CLVS1: variants seen among roughly 807,000 people sequenced by gnomAD.
The protein encoded by CLVS1 is clavesin-1.
Under a neutral mutation model 33.1 loss-of-function variants are expected in CLVS1, and 10 were observed. That is an observed-to-expected ratio of 0.30 (90% CI 0.19 to 0.51). The LOEUF (loss-of-function observed/expected upper bound fraction) is 0.51, where lower values mean the gene tolerates loss of function less well. Among genes scored for constraint, CLVS1 ranks in the 20% least tolerant of loss-of-function variants. The pLI is 0.97. For missense variants in CLVS1, 343 were observed against 433.4 expected, an observed-to-expected ratio of 0.79 and a Z score of 1.85; for synonymous variants, 163 against 166.1, an observed-to-expected ratio of 0.98 and a Z score of 0.14.
intron 2 of CLVS1, among the ~76,000 whole-genome samples, chr8:61,331,894 A>T (rs975999752): frequency 5.0e-5 from 7 of 140,494 alleles, no homozygotes; most frequent in Non-Finnish European, 9.1e-5. Context: ...TGTTCTCCCT[A>T]GGTTGGAAAG....
At chr8:61,498,528 C>A (rs935010790) in intron 5 of CLVS1, among the ~76,000 whole-genome samples, 3 of 152,118 alleles carry the variant, frequency 2.0e-5, no homozygotes, top group African/African-American at 7.2e-5. Flanking sequence ...CTTTTTATAA[C>A]CTTTTCTCTG....
chr8:61,046,275 G>A, the CLVS1 span, among the ~76,000 whole-genome samples: 1 of 147,694 alleles, frequency 6.8e-6, no homozygotes, highest in Non-Finnish European at 1.5e-5. Flanking sequence ...TTTTTCTCAG[G>A]TTTGTCAAAG....
At chr8:61,199,298 T>C (rs552558416) in intron 2 of CLVS1, among the ~76,000 whole-genome samples, 3 of 152,096 alleles carry the variant, frequency 2.0e-5, no homozygotes, top group East Asian at 3.9e-4. Flanking sequence ...GCAGAAGAAA[T>C]AATCAACAGG....
chr8:61,174,735 G>T (rs1807079632), intron 2 of CLVS1, among the ~76,000 whole-genome samples: 1 of 152,104 alleles, frequency 6.6e-6, no homozygotes, highest in Admixed American at 6.6e-5. Flanking sequence ...GTGGAAAATT[G>T]TACCTGGCTT....
chr8:61,174,653 T>A (rs1159453987), intron 2 of CLVS1, among the ~76,000 whole-genome samples: 1 of 152,120 alleles, frequency 6.6e-6, no homozygotes, highest in Non-Finnish European at 1.5e-5. Flanking sequence ...CCTCATGAAT[T>A]TTAGGGCTTG....
chr8:61,085,908 C>T lies in CLVS1; in HGVS notation c.-243+28678C>T, dbSNP rs113363164. Among the ~76,000 whole-genome samples, 1,215 of 151,480 alleles carry T rather than the reference C, an allele frequency of 8.0e-3. 17 individuals carry two copies. The highest frequency in any genetic ancestry group is 0.011 in the Non-Finnish European group (713 of 67,820). On this transcript the variant is annotated intron_variant, in intron 1 of 2. Transcript: ENST00000522621. ...GTATGGTGGCGGGCGCGTTGGCGGG[C>T]GCCTGTAGTCCCAGCTGCTCGGGAG...
intron 2 of CLVS1, among the ~76,000 whole-genome samples, chr8:61,230,684 T>C (rs1238422828): frequency 6.6e-6 from 1 of 152,252 alleles, no homozygotes; most frequent in East Asian, 1.9e-4. Context: ...AGCTTCCTAC[T>C]TGAGCTGAGC....
At chr8:61,207,320 G>A (rs1807872575) in intron 2 of CLVS1, among the ~76,000 whole-genome samples, 1 of 152,152 alleles carries the variant, frequency 6.6e-6, no homozygotes, top group Non-Finnish European at 1.5e-5. Context: ...AGAGGTGCAT[G>A]GGCTCCAGGA....
chr8:61,441,412 G>A (rs1162383620), intron 3 of CLVS1, among the ~76,000 whole-genome samples: 1 of 152,172 alleles, frequency 6.6e-6, no homozygotes, highest in Non-Finnish European at 1.5e-5. Context: ...CTTAGTAGAT[G>A]GAGGGAGTTC....
At chr8:61,062,987 T>C (rs1013250520) in intron 1 of CLVS1, among the ~76,000 whole-genome samples, 4 of 152,198 alleles carry the variant, frequency 2.6e-5, no homozygotes, top group Non-Finnish European at 4.4e-5. Flanking sequence ...GCACTTTATA[T>C]GCATTATGTC....
At chr8:60,970,149 A>G in the CLVS1 span, among the ~76,000 whole-genome samples, 775 of 152,362 alleles carry the variant, frequency 5.1e-3, 4 homozygotes, top group African/African-American at 0.018. Flanking sequence ...GCTCTGGATT[A>G]AAGTTGTTCT....
chr8:61,370,248 G>T (rs1225750554), intron 2 of CLVS1: 3 of 152,076 alleles, frequency 2.0e-5, no homozygotes, highest in African/African-American at 7.2e-5. Flanking sequence ...GGGGGAACAG[G>T]TGGTGTTCGG....
the CLVS1 span, among the ~76,000 whole-genome samples, chr8:60,976,363 T>G: frequency 2.8e-5 from 4 of 141,032 alleles, no homozygotes; most frequent in Admixed American, 7.1e-5. Context: ...TCTTTCTTTC[T>G]TTTTTTTTTT....
At chr8:61,237,642 T>C (rs1246316648) in intron 2 of CLVS1, among the ~76,000 whole-genome samples, 2 of 152,114 alleles carry the variant, frequency 1.3e-5, no homozygotes, top group African/African-American at 4.8e-5. Context: ...TTCTAGGACC[T>C]TGGGATAGGT....
intron 1 of CLVS1, among the ~76,000 whole-genome samples, chr8:61,290,928 C>T (rs183108554): frequency 9.7e-4 from 147 of 152,316 alleles, no homozygotes; most frequent in Middle Eastern, 6.8e-3. Context: ...AGAAGGTCCA[C>T]AGTGTGAATT....
intron 2 of CLVS1, among the ~76,000 whole-genome samples, chr8:61,250,270 G>A (rs1402685916): frequency 6.6e-6 from 1 of 152,048 alleles, no homozygotes; most frequent in Admixed American, 6.6e-5. Context: ...CTGTTCCATT[G>A]GTCTATATCT....
intron 2 of CLVS1, among the ~76,000 whole-genome samples, chr8:61,336,638 A>G (rs548504922): frequency 1.8e-4 from 27 of 152,298 alleles, no homozygotes; most frequent in African/African-American, 5.8e-4. Flanking sequence ...GAAAGAGGAG[A>G]CTTACAGAAG....
At chr8:61,082,496 CAAA>C (rs1287634289) in intron 1 of CLVS1, among the ~76,000 whole-genome samples, 1 of 121,304 alleles carries the variant, frequency 8.2e-6, no homozygotes, top group African/African-American at 3.2e-5. Flanking sequence ...AACAAACAAA[CAAA>C]AACAACAACA....
intron 2 of CLVS1, among the ~76,000 whole-genome samples, chr8:61,255,267 C>T (rs1244646190): frequency 6.6e-6 from 1 of 151,996 alleles, no homozygotes; most frequent in Non-Finnish European, 1.5e-5. Flanking sequence ...GGTGGCCTGA[C>T]TGAATTAACA....
Sources: allele counts gnomAD v4.1 joint callset (sites outside exome capture counted in the v4.1 genomes callset), GRCh38; gene constraint gnomAD v4.1.1; transcripts MANE v1.5; gene names NCBI Gene and HGNC (gene_info 2026-07-23, HGNC 2026-07-21).